SLC25A26: variants seen among roughly 807,000 people sequenced by gnomAD.
The protein encoded by SLC25A26 is solute carrier family 25 member 26.
A neutral mutation model predicts 37.8 loss-of-function variants in SLC25A26; 36 were observed. The ratio of observed to expected loss-of-function variants is 0.95; its 90% CI spans 0.73 to 1.26. The LOEUF (loss-of-function observed/expected upper bound fraction) is 1.26, where lower values mean the gene tolerates loss of function less well. Among genes scored for constraint, SLC25A26 ranks in the 50% most tolerant of loss-of-function variants. SLC25A26 has a pLI of 0.00. For missense variants in SLC25A26, 390 were observed against 331.1 expected (o/e 1.18, Z -1.38); for synonymous variants, 129 against 122.5 (o/e 1.05, Z -0.35).
At position 66,223,538 on chromosome 3, in the gene SLC25A26, G is replaced by C. The variant is rs138654228; in HGVS notation, c.33+2411G>C. Among the ~76,000 whole-genome samples, 388 of 152,316 alleles carry C rather than the reference G, an allele frequency of 2.5e-3. 1 individual carries two copies. Among genetic ancestry groups the C allele is most frequent in the African/African-American group, 9.2e-3 (381 of 41,562 alleles). ...CTTTTTAATGTCTTGGAGTGCGTTT[G>C]AGACACAGTGAACACTCCTGAGGGA... On this transcript the variant is annotated intron_variant, in intron 1 of 9. Coordinates refer to ENST00000354883, the MANE Select transcript of SLC25A26 (RefSeq NM_001379210.1).
intron 5 of SLC25A26, among the ~76,000 whole-genome samples, chr3:66,275,167 G>A (rs1000859290): frequency 2.7e-5 from 4 of 147,956 alleles, no homozygotes; most frequent in African/African-American, 7.5e-5. Context: ...AACCAAACAC[G>A]GCATGTTCTC....
intron 5 of SLC25A26, among the ~76,000 whole-genome samples, chr3:66,300,243 G>GTTTTTTTTTTTTTTTTTTTTTTTTTTT (rs1395905357): frequency 8.8e-6 from 1 of 113,440 alleles, no homozygotes; most frequent in African/African-American, 3.0e-5. Context: ...CTAGGCTAGG[G>GTTTTTTTTTTTTTTTTTTTTTTTTTTT]TTTTTTTGTT....
At chr3:66,299,789 AC>A (rs2075018571) in intron 5 of SLC25A26, among the ~76,000 whole-genome samples, 1 of 152,046 alleles carries the variant, frequency 6.6e-6, no homozygotes, top group South Asian at 2.1e-4. Flanking sequence ...TGTTTGTATA[AC>A]TCCTTGAGAA....
intron 1 of SLC25A26, among the ~76,000 whole-genome samples, chr3:66,231,197 GTGTTTGAGA>G (rs1324545287): frequency 6.6e-6 from 1 of 152,068 alleles, no homozygotes; most frequent in Non-Finnish European, 1.5e-5. Context: ...GTTTCAGGAC[GTGTTTGAGA>G]TGTTCGAGTA....
intron 6 of SLC25A26, among the ~76,000 whole-genome samples, chr3:66,348,340 T>G (rs2076374609): frequency 6.6e-6 from 1 of 152,212 alleles, no homozygotes; most frequent in South Asian, 2.1e-4. Context: ...AAGTCTTATT[T>G]TGTAAGACCT....
intron 5 of SLC25A26, among the ~76,000 whole-genome samples, chr3:66,291,155 GT>G (rs1383178939): frequency 1.3e-5 from 2 of 152,098 alleles, no homozygotes; most frequent in African/African-American, 4.8e-5. Flanking sequence ...GGGTTCAGTG[GT>G]GATATCCCCT....
At chr3:66,150,644 ATATATATATATC>A in intron 1 of SLC25A26, among the ~76,000 whole-genome samples, 1 of 94,352 alleles carries the variant, frequency 1.1e-5, no homozygotes, top group Non-Finnish European at 2.1e-5. Flanking sequence ...ATATATATAT[ATATATATATATC>A]ATGGCACTTG....
intron 1 of SLC25A26, among the ~76,000 whole-genome samples, chr3:66,235,473 A>AT (rs1484386707): frequency 3.3e-5 from 5 of 152,180 alleles, no homozygotes; most frequent in African/African-American, 9.7e-5. Flanking sequence ...AAAAAAATCA[A>AT]TTTATTCACT....
chr3:66,273,738 T>G (rs1046896446), intron 5 of SLC25A26, among the ~76,000 whole-genome samples: 1 of 151,956 alleles, frequency 6.6e-6, no homozygotes, highest in Non-Finnish European at 1.5e-5. Flanking sequence ...CACTGCTCAA[T>G]GAAATAAAAG....
intron 5 of SLC25A26, among the ~76,000 whole-genome samples, chr3:66,274,964 C>G (rs896711952): frequency 1.3e-5 from 2 of 152,006 alleles, no homozygotes; most frequent in East Asian, 3.9e-4. Context: ...ATGTTTATTG[C>G]GGCACTATTC....
chr3:66,246,348 C>T (rs1333004851), intron 3 of SLC25A26, among the ~76,000 whole-genome samples: 5 of 152,166 alleles, frequency 3.3e-5, no homozygotes, highest in African/African-American at 9.7e-5. Flanking sequence ...AGGCTTTCCT[C>T]AGTTTATAAA....
chr3:66,187,548 C>T (rs1295702473), intron 1 of SLC25A26, among the ~76,000 whole-genome samples: 11 of 151,894 alleles, frequency 7.2e-5, no homozygotes, highest in African/African-American at 2.7e-4. Context: ...CCTGACTCTA[C>T]CCTTACCCTG....
intron 1 of SLC25A26, among the ~76,000 whole-genome samples, chr3:66,157,115 G>A (rs780878072): frequency 2.0e-5 from 3 of 152,008 alleles, no homozygotes; most frequent in African/African-American, 4.8e-5. Context: ...TACAACTGCC[G>A]CCCCAGCTGC....
intron 7 of SLC25A26, among the ~76,000 whole-genome samples, chr3:66,363,758 A>G (rs572414107): frequency 8.5e-5 from 13 of 152,262 alleles, no homozygotes; most frequent in Admixed American, 7.8e-4. Context: ...AATTTGTTTA[A>G]TGGTCATTTT....
At chr3:66,365,863 A>G (rs2076813083) in intron 7 of SLC25A26, among the ~76,000 whole-genome samples, 1 of 152,142 alleles carries the variant, frequency 6.6e-6, no homozygotes, top group African/African-American at 2.4e-5. Context: ...ATCAGGGGCA[A>G]CGTAGGGTCT....
intron 6 of SLC25A26, among the ~76,000 whole-genome samples, chr3:66,350,016 C>G (rs985772593): frequency 6.6e-6 from 1 of 152,174 alleles, no homozygotes; most frequent in Non-Finnish European, 1.5e-5. Context: ...AACGTACAAT[C>G]ACAGTGCTTT....
chr3:66,359,431 T>C (rs1275606480), intron 6 of SLC25A26, among the ~76,000 whole-genome samples: 1 of 152,268 alleles, frequency 6.6e-6, no homozygotes, highest in Non-Finnish European at 1.5e-5. Flanking sequence ...ATTCACATCT[T>C]ACTGTTATTT....
chr3:66,219,468 A>G (rs1238113574), upstream of SLC25A26, among the ~76,000 whole-genome samples: 4 of 152,368 alleles, frequency 2.6e-5, no homozygotes, highest in East Asian at 5.8e-4. Flanking sequence ...ACCAAAGCAC[A>G]TGAGACTTTG....
intron 1 of SLC25A26, 145 bp downstream of exon 1, chr3:66,221,272 GA>G: frequency 1.1e-6 from 1 of 871,222 alleles, no homozygotes; most frequent in Non-Finnish European, 1.7e-6. Flanking sequence ...GAGGGAGCAC[GA>G]GGCTCCCAGG....
Sources: allele counts gnomAD v4.1 joint callset (sites outside exome capture counted in the v4.1 genomes callset), GRCh38; gene constraint gnomAD v4.1.1; transcripts MANE v1.5; gene names NCBI Gene and HGNC (gene_info 2026-07-23, HGNC 2026-07-21).